PRKACB: variants seen among roughly 807,000 people sequenced by gnomAD.
PRKACB encodes cAMP-dependent protein kinase catalytic subunit beta.
In PRKACB, 16 loss-of-function variants were observed where a neutral mutation model predicts 51.4. The ratio of observed to expected loss-of-function variants is 0.31; its 90% CI spans 0.21 to 0.47. PRKACB has a LOEUF of 0.47. PRKACB is among the 20% of genes least tolerant of loss of function. The pLI is 1.00. For missense variants in PRKACB, 309 were observed against 464.5 expected (o/e 0.67, Z 3.08); for synonymous variants, 147 against 154.4 (o/e 0.95, Z 0.35).
At position 84,178,095 on chromosome 1, in the gene PRKACB, C is replaced by T. The variant is rs1010735334; in HGVS notation, c.188-1082C>T. 1.2e-4 allele frequency among the ~76,000 whole-genome samples: 18 copies of T among 151,830 alleles called. 1 individual carries two copies. Among genetic ancestry groups the T allele is most frequent in the Admixed American group, 1.2e-3 (18 of 15,224 alleles). On this transcript the variant is annotated intron_variant, in intron 1 of 9. Transcript: ENST00000370685. Reference sequence around the variant, plus strand: ...CTCAAAACATTTAAAATGCCAAAAGCCTTTTTGGTTAGTAACAGTATTTTC... The same window carrying T: ...CTCAAAACATTTAAAATGCCAAAAGTCTTTTTGGTTAGTAACAGTATTTTC...
At chr1:84,143,331 A>G (rs1653623561), upstream of PRKACB, among the ~76,000 whole-genome samples, 2 of 152,120 alleles carry the variant, frequency 1.3e-5, no homozygotes, top group African/African-American at 4.8e-5. Flanking sequence ...GCGCGCCTAT[A>G]ATCCCAGCTA....
intron 9 of PRKACB, among the ~76,000 whole-genome samples, chr1:84,217,576 C>A (rs927727784): frequency 1.8e-4 from 27 of 152,004 alleles, no homozygotes; most frequent in Non-Finnish European, 1.8e-4. Flanking sequence ...GGGAAGATCA[C>A]TTGAGCCAAG....
intron 1 of PRKACB, among the ~76,000 whole-genome samples, chr1:84,126,894 A>G (rs1392898014): frequency 6.6e-6 from 1 of 152,178 alleles, no homozygotes; most frequent in Non-Finnish European, 1.5e-5. Context: ...TTCCCACCAC[A>G]ACCTCAGTTC....
At chr1:84,116,583 A>T (rs1379855919) in intron 1 of PRKACB, among the ~76,000 whole-genome samples, 1 of 152,050 alleles carries the variant, frequency 6.6e-6, no homozygotes, top group Non-Finnish European at 1.5e-5. Context: ...TTTTGTAGCT[A>T]TTTTAAATAT....
chr1:84,088,309 G>A (rs1648179961), intron 1 of PRKACB, among the ~76,000 whole-genome samples: 1 of 152,190 alleles, frequency 6.6e-6, no homozygotes. Flanking sequence ...TAAGATAACT[G>A]TGGAATCTAA....
intron 1 of PRKACB, among the ~76,000 whole-genome samples, chr1:84,156,797 A>G (rs1353898755): frequency 6.6e-6 from 1 of 152,224 alleles, no homozygotes; most frequent in South Asian, 2.1e-4. Flanking sequence ...GAACCATTGG[A>G]GAAACTGATT....
intron 1 of PRKACB, among the ~76,000 whole-genome samples, chr1:84,167,935 G>A (rs1421956158): frequency 6.6e-6 from 1 of 151,422 alleles, no homozygotes; most frequent in Non-Finnish European, 1.5e-5. Flanking sequence ...TATGTGAAAA[G>A]AGCCTTCACT....
At chr1:84,186,766 TG>T (rs1665235136) in intron 5 of PRKACB, among the ~76,000 whole-genome samples, 2 of 152,066 alleles carry the variant, frequency 1.3e-5, no homozygotes, top group Admixed American at 6.6e-5. Context: ...AGTTATCTGT[TG>T]GGGGGTGTCT....
At chr1:84,085,645 T>C (rs576231089) in intron 1 of PRKACB, 7 of 162,614 alleles carry the variant, frequency 4.3e-5, no homozygotes, top group Non-Finnish European at 9.3e-5. Context: ...GGGAAAACTT[T>C]TGATCTACAT....
At chr1:84,173,843 T>C (rs755353522) in intron 1 of PRKACB, among the ~76,000 whole-genome samples, 10 of 151,868 alleles carry the variant, frequency 6.6e-5, no homozygotes, top group Non-Finnish European at 1.5e-4. Context: ...AATGACACTA[T>C]TAAAAACATT....
At chr1:84,226,869 A>C (rs1674696546) in intron 9 of PRKACB, among the ~76,000 whole-genome samples, 1 of 152,152 alleles carries the variant, frequency 6.6e-6, no homozygotes, top group Non-Finnish European at 1.5e-5. Flanking sequence ...ACCAAATATA[A>C]AGTTGGCCAT....
chr1:84,131,117 G>A (rs2100552924), intron 1 of PRKACB, among the ~76,000 whole-genome samples: 1 of 152,158 alleles, frequency 6.6e-6, no homozygotes, highest in East Asian at 1.9e-4. Context: ...AGCATTTTGG[G>A]AGGCTGAGGC....
rs532010751 is a variant in PRKACB at position 84,190,542 on chromosome 1, C to T, written c.560+5360C>T. 6.6e-5 allele frequency among the ~76,000 whole-genome samples: 10 copies of T among 151,842 alleles called. No individual in the cohort carries two copies. In the East Asian group the frequency reaches 1.7e-3, roughly 26 times the overall value. On this transcript the variant is annotated intron_variant, in intron 5 of 9. Coordinates refer to ENST00000370685, the MANE Select transcript of PRKACB (RefSeq NM_182948.4). ...TTCTTTCAATAACTCAGAAGATACA[C>T]GTTTATTAAATCAGTAATATTAAAT...
chr1:84,237,940 C>G lies in PRKACB; in HGVS notation c.*2635C>G, dbSNP rs1292073657. On this transcript the variant is annotated 3_prime_UTR_variant, in exon 10 of 10. Transcript: ENST00000370685. ...TAAGATTCCTCCTAACTTTCACAGTCGATGACAAGATTGTCTTTTTATCTG... is the reference window on the plus strand; with the variant it reads ...TAAGATTCCTCCTAACTTTCACAGTGGATGACAAGATTGTCTTTTTATCTG... 1 of 152,050 alleles carries G rather than the reference C, an allele frequency of 6.6e-6. No homozygotes were observed. Among genetic ancestry groups the G allele is most frequent in the Admixed American group, 6.5e-5 (1 of 15,270 alleles). 9.4% of individuals were successfully genotyped at this position (152,050 alleles called of 1,614,324 possible).
chr1:84,152,569 C>T (rs1388546117), intron 1 of PRKACB, among the ~76,000 whole-genome samples: 2 of 152,172 alleles, frequency 1.3e-5, no homozygotes, highest in Non-Finnish European at 2.9e-5. Context: ...GCAGCTTCTC[C>T]ATTAGCACTT....
At chr1:84,150,235 A>G (rs1654671216) in intron 1 of PRKACB, among the ~76,000 whole-genome samples, 1 of 152,164 alleles carries the variant, frequency 6.6e-6, no homozygotes, top group South Asian at 2.1e-4. Context: ...GTGAGATTGC[A>G]CCACTGCAGT....
chr1:84,089,753 A>T (rs1648306977), intron 1 of PRKACB, among the ~76,000 whole-genome samples: 1 of 152,124 alleles, frequency 6.6e-6, no homozygotes, highest in African/African-American at 2.4e-5. Flanking sequence ...TGTAATATTC[A>T]TTAACTGCTC....
chr1:84,233,028 G>C (rs1359316364), intron 9 of PRKACB, among the ~76,000 whole-genome samples: 2 of 151,442 alleles, frequency 1.3e-5, no homozygotes, highest in Non-Finnish European at 2.9e-5. Flanking sequence ...TTACATTTTG[G>C]CATGATTTTG....
Position 84,144,275 on chromosome 1 carries a change from G to A in PRKACB, c.-87G>A, listed in dbSNP as rs997355205. 16 of 1,548,320 alleles carry A rather than the reference G, an allele frequency of 1.0e-5. No homozygotes were observed. The highest frequency in any genetic ancestry group is 1.4e-5 in the Non-Finnish European group (16 of 1,155,556). ...CCTGCAAACAGGAAGTTTGACACAT[G>A]CATAGCTCTTAGCTTCTGTGTAAGA... On this transcript the variant is annotated 5_prime_UTR_variant, in exon 1 of 10. The change abolishes an upstream ATG in the 5' untranslated region. Transcript: ENST00000370685.
Sources: allele counts gnomAD v4.1 joint callset (sites outside exome capture counted in the v4.1 genomes callset), GRCh38; gene constraint gnomAD v4.1.1; transcripts MANE v1.5; gene names NCBI Gene and HGNC (gene_info 2026-07-23, HGNC 2026-07-21).